WWOX: variants seen among roughly 807,000 people sequenced by gnomAD.
The protein encoded by WWOX is WW domain-containing oxidoreductase.
WWOX carries 69 observed loss-of-function variants against 46.2 expected under a neutral mutation model. The observed-to-expected ratio is 1.49, with a 90% confidence interval of 1.23 to 1.82. The LOEUF is 1.82. Ranked by LOEUF, WWOX falls within the 40% of genes most tolerant of loss-of-function variation. The probability of loss-of-function intolerance (pLI) is 0.00; values close to 1 mark genes in which losing one functional copy is unlikely to be tolerated. For synonymous variants in WWOX, 359 were observed against 202.6 expected (o/e 1.77, Z -6.56); for missense variants, 919 against 542.6 (o/e 1.69, Z -6.89).
Position 78,772,238 on chromosome 16 carries a change from T to G in WWOX, c.1056+339486T>G, listed in dbSNP as rs369682764. ...GCCCCAGTGTCTGTTGTTCTTTCTTTGTGTCCTTGAGTTTTCATCATTTAG... is the reference window on the plus strand; with the variant it reads ...GCCCCAGTGTCTGTTGTTCTTTCTTGGTGTCCTTGAGTTTTCATCATTTAG... On this transcript the variant is annotated intron_variant, in intron 8 of 8. Coordinates refer to ENST00000566780, the MANE Select transcript of WWOX (RefSeq NM_016373.4). Among the ~76,000 whole-genome samples the G allele has an allele frequency of 9.8e-5, 15 of 152,344 alleles. No individual in the cohort carries two copies. The East Asian group carries it at 2.1e-3, about 22-fold the overall frequency.
At chr16:78,355,267 A>AGT (rs2081261341) in intron 5 of WWOX, among the ~76,000 whole-genome samples, 1 of 151,940 alleles carries the variant, frequency 6.6e-6, no homozygotes, top group Admixed American at 6.6e-5. Flanking sequence ...TATAAAAAAA[A>AGT]AGTATGTATA....
intron 8 of WWOX, among the ~76,000 whole-genome samples, chr16:79,152,213 A>G (rs1314343485): frequency 1.3e-5 from 2 of 152,164 alleles, no homozygotes; most frequent in African/African-American, 4.8e-5. Context: ...GAGGAGCGGG[A>G]TTCGCTGACC....
At chr16:78,815,085 G>T (rs1429345688) in intron 8 of WWOX, among the ~76,000 whole-genome samples, 1 of 152,214 alleles carries the variant, frequency 6.6e-6, no homozygotes, top group Admixed American at 6.5e-5. Flanking sequence ...AACACTTCGG[G>T]AGGCCGAGGT....
intron 8 of WWOX, chr16:78,996,171 C>T (rs2046983768): frequency 1.0e-6 from 1 of 972,514 alleles, no homozygotes; most frequent in Admixed American, 6.2e-5. Context: ...TAACGAAACT[C>T]ACATCTTCTT....
At chr16:78,910,912 A>C (rs187775437) in intron 8 of WWOX, among the ~76,000 whole-genome samples, 4 of 152,106 alleles carry the variant, frequency 2.6e-5, no homozygotes, top group Non-Finnish European at 5.9e-5. Context: ...AAAGTTATGC[A>C]TATGTTGATC....
chr16:79,100,392 G>A (rs2049167523), intron 8 of WWOX, among the ~76,000 whole-genome samples: 1 of 152,090 alleles, frequency 6.6e-6, no homozygotes, highest in Admixed American at 6.5e-5. Context: ...AGAAGCCCTG[G>A]GTTTAAGCCA....
chr16:79,057,685 A>G (rs772610610), intron 8 of WWOX, among the ~76,000 whole-genome samples: 2 of 152,112 alleles, frequency 1.3e-5, no homozygotes, highest in African/African-American at 2.4e-5. Flanking sequence ...CTACTATGGT[A>G]TTACAGGCTA....
chr16:78,568,076 A>G (rs962170011), intron 8 of WWOX, among the ~76,000 whole-genome samples: 6 of 152,206 alleles, frequency 3.9e-5, no homozygotes, highest in African/African-American at 1.4e-4. Flanking sequence ...AGAGACTCTT[A>G]GGGCAGAAGA....
At chr16:79,187,323 G>A (rs1358380047) in intron 8 of WWOX, among the ~76,000 whole-genome samples, 1 of 152,122 alleles carries the variant, frequency 6.6e-6, no homozygotes, top group Admixed American at 6.5e-5. Flanking sequence ...CCCCAAACAT[G>A]GATTTAACAA....
At chr16:78,162,930 G>T (rs980811081) in intron 4 of WWOX, among the ~76,000 whole-genome samples, 1 of 151,692 alleles carries the variant, frequency 6.6e-6, no homozygotes, top group Admixed American at 6.6e-5. Flanking sequence ...CTCTTATTTT[G>T]TTTAAGTTTC....
intron 8 of WWOX, among the ~76,000 whole-genome samples, chr16:78,630,274 A>G (rs1185241792): frequency 6.6e-6 from 1 of 152,174 alleles, no homozygotes; most frequent in Non-Finnish European, 1.5e-5. Flanking sequence ...TTAGTACAGC[A>G]GACTGTCGCA....
intron 8 of WWOX, among the ~76,000 whole-genome samples, chr16:78,586,075 G>C (rs1270824461): frequency 6.6e-6 from 1 of 152,076 alleles, no homozygotes; most frequent in South Asian, 2.1e-4. Flanking sequence ...AACAAAATTA[G>C]GCCAGGTGTG....
At chr16:78,416,457 C>A (rs2082799389) in intron 6 of WWOX, among the ~76,000 whole-genome samples, 1 of 152,136 alleles carries the variant, frequency 6.6e-6, no homozygotes, top group South Asian at 2.1e-4. Context: ...GTACAGGATA[C>A]ATATTTTGCC....
chr16:79,145,277 G>A (rs2050163961), intron 8 of WWOX, among the ~76,000 whole-genome samples: 4 of 152,098 alleles, frequency 2.6e-5, no homozygotes, highest in South Asian at 2.1e-4. Flanking sequence ...TTCAGAAGTC[G>A]TGATAAAGCC....
chr16:78,844,040 T>C (rs950840685), intron 8 of WWOX, among the ~76,000 whole-genome samples: 46 of 152,188 alleles, frequency 3.0e-4, no homozygotes, highest in African/African-American at 9.4e-4. Context: ...TGCTGGAATT[T>C]GGTAACATTT....
intron 6 of WWOX, among the ~76,000 whole-genome samples, chr16:78,412,570 G>T (rs1018576317): frequency 5.8e-4 from 88 of 152,198 alleles, no homozygotes; most frequent in African/African-American, 2.0e-3. Flanking sequence ...ACAAAAAATG[G>T]AGTGGTAGTG....
At chr16:78,595,053 G>A (rs559660014) in intron 8 of WWOX, among the ~76,000 whole-genome samples, 61 of 152,294 alleles carry the variant, frequency 4.0e-4, no homozygotes, top group African/African-American at 1.4e-3. Context: ...TTGTCAAGAG[G>A]CTTGGGGACC....
At position 78,705,391 on chromosome 16, in the gene WWOX, A is replaced by G. The variant is rs149371691; in HGVS notation, c.1056+272639A>G. Among the ~76,000 whole-genome samples, 583 of 152,312 alleles carry G rather than the reference A, an allele frequency of 3.8e-3. 1 individual carries two copies. Among genetic ancestry groups the G allele is most frequent in the African/African-American group, 0.013 (559 of 41,570 alleles). On this transcript the variant is annotated intron_variant, in intron 8 of 8. Transcript: ENST00000566780. ...GAGAGTCAAAGGGACTTCTTTGGGGAGAATATAAAAACAAGCCAAGGCGAA... is the reference window on the plus strand; with the variant it reads ...GAGAGTCAAAGGGACTTCTTTGGGGGGAATATAAAAACAAGCCAAGGCGAA...
chr16:79,110,462 G>C (rs2049395846), intron 8 of WWOX, among the ~76,000 whole-genome samples: 1 of 152,174 alleles, frequency 6.6e-6, no homozygotes, highest in Admixed American at 6.5e-5. Context: ...TCAGATAACA[G>C]CTGGAGCAGA....
Sources: allele counts gnomAD v4.1 joint callset (sites outside exome capture counted in the v4.1 genomes callset), GRCh38; gene constraint gnomAD v4.1.1; transcripts MANE v1.5; gene names NCBI Gene and HGNC (gene_info 2026-07-23, HGNC 2026-07-21).